Variants in CPT1A observed in about 807,000 individuals in gnomAD.
CPT1A encodes carnitine O-palmitoyltransferase 1, liver isoform.
In CPT1A, 64 loss-of-function variants were observed where a neutral mutation model predicts 100.8. That is an observed-to-expected ratio of 0.63 (90% CI 0.52 to 0.78). The LOEUF is 0.78. Among genes scored for constraint, CPT1A ranks in the 30% least tolerant of loss-of-function variants. The pLI, the probability that CPT1A is intolerant of heterozygous loss-of-function variation, is 0.00. For synonymous variants in CPT1A, 363 were observed against 396.0 expected (o/e 0.92, Z 0.99); for missense variants, 802 against 1,034.1 (o/e 0.78, Z 3.08).
intron 2 of CPT1A, 57 bp downstream of exon 2, chr11:68,815,277 C>T: frequency 6.4e-7 from 1 of 1,569,818 alleles, no homozygotes; most frequent in Non-Finnish European, 8.7e-7. Context: ...GCAGCCAGAG[C>T]CCCGTTCTTA....
rs1855111583 is a variant in CPT1A, at chr11:68,775,254, T to TAAGACTTCA, written c.1575+53_1575+61dup. The TAAGACTTCA allele has an allele frequency of 2.2e-6, 3 of 1,353,366 alleles. No homozygotes were observed. The East Asian group carries it at 6.9e-5, about 31-fold the overall frequency. 83.8% of individuals were successfully genotyped at this position (1,353,366 alleles called of 1,614,324 possible). A position where few individuals can be genotyped will look rare whatever the true frequency, so the allele number is the denominator to read the frequency against. On this transcript the variant is annotated intron_variant, in intron 13 of 18. Transcript: ENST00000265641. ...GAACTACGGTTGGAAAATTCATCTG[T>TAAGACTTCA]AAGACTTCAAATGTGTTTCCCATCC...
intron 14 of CPT1A, among the ~76,000 whole-genome samples, chr11:68,769,306 G>A (rs547686152): frequency 1.0e-3 from 159 of 152,212 alleles, no homozygotes; most frequent in South Asian, 4.2e-3. Context: ...GCACGATCAC[G>A]GCTCACTGCA....
intron 1 of CPT1A, among the ~76,000 whole-genome samples, chr11:68,816,776 G>A (rs1209462532): frequency 1.4e-5 from 2 of 147,408 alleles, no homozygotes; most frequent in Admixed American, 1.4e-4. Context: ...GTGTGTGTGT[G>A]TGTGGTGTGT....
chr11:68,761,897 C>T (rs887456423), intron 15 of CPT1A, among the ~76,000 whole-genome samples: 1 of 151,810 alleles, frequency 6.6e-6, no homozygotes, highest in Non-Finnish European at 1.5e-5. Context: ...AGGCGTGAGT[C>T]ACCGCGCCCG....
chr11:68,786,112 A>G (rs1455459844), intron 9 of CPT1A: 2 of 700,692 alleles, frequency 2.9e-6, no homozygotes, highest in Non-Finnish European at 5.2e-6. Flanking sequence ...CTGTATTCCC[A>G]GCACTTCAGG....
Position 68,773,415 on chromosome 11 carries a change from T to C in CPT1A, c.1590A>G (p.Ile530Met), listed in dbSNP as rs2153996797. Reference sequence around the variant, plus strand: ...GATTTGCGGTGTTCAGGGAGGTCTCTATAACCTCTTGACACTTGAGAGAAA... The same window carrying C: ...GATTTGCGGTGTTCAGGGAGGTCTCCATAACCTCTTGACACTTGAGAGAAA... ...WDIPGECQEV[I>M]ETSLNTANLL... Residue 530 changes from isoleucine to methionine, a missense_variant, in exon 14 of 19, where the codon ATA becomes ATG. Around this residue, in one of 4 missense-constraint regions of CPT1A, gnomAD observed 627 missense variants for 799.3 expected, o/e 0.78. Coordinates refer to ENST00000265641, the MANE Select transcript of CPT1A (RefSeq NM_001876.4). 1.2e-6 allele frequency: 2 copies of C among 1,613,952 alleles called. No individual in the cohort carries two copies. Among genetic ancestry groups the C allele is most frequent in the East Asian group, 2.2e-5 (1 of 44,878 alleles).
chr11:68,759,374 GAC>G (rs981362878), intron 18 of CPT1A, among the ~76,000 whole-genome samples, 193 bp downstream of exon 18: 1 of 151,318 alleles, frequency 6.6e-6, no homozygotes, highest in African/African-American at 2.4e-5. Flanking sequence ...CAGCCTGGGC[GAC>G]AGAGTGAGAC....
intron 13 of CPT1A, chr11:68,773,895 C>G (rs1184406799): frequency 3.9e-6 from 1 of 254,448 alleles, no homozygotes; most frequent in Non-Finnish European, 7.8e-6. Context: ...TCTAACTGGA[C>G]TATGAGCTTC....
intron 1 of CPT1A, among the ~76,000 whole-genome samples, chr11:68,832,973 C>G (rs1344581576): frequency 6.6e-6 from 1 of 152,184 alleles, no homozygotes; most frequent in Non-Finnish European, 1.5e-5. Context: ...GTGTCTCTGG[C>G]GAAGGGCAGG....
At chr11:68,776,767 T>C (rs757235639) in intron 12 of CPT1A, among the ~76,000 whole-genome samples, 1 of 152,238 alleles carries the variant, frequency 6.6e-6, no homozygotes, top group Non-Finnish European at 1.5e-5. Context: ...TAATCCCAGC[T>C]ACTCGGGAGG....
chr11:68,774,781 C>CAAAAA lies in CPT1A; in HGVS notation c.1575+530_1575+534dup, dbSNP rs1169875761. Among the ~76,000 whole-genome samples, 3 of 54,260 alleles carry CAAAAA rather than the reference C, an allele frequency of 5.5e-5. No individual in the cohort carries two copies. Among genetic ancestry groups the CAAAAA allele is most frequent in the Non-Finnish European group, 7.6e-5 (2 of 26,368 alleles). 35.6% of individuals were successfully genotyped at this position (54,260 alleles called of 152,430 possible). A position where few individuals can be genotyped will look rare whatever the true frequency, so the allele number is the denominator to read the frequency against. ...TGGGTGACAGTGCGAGACTACATCT[C>CAAAAA]AAAAAAAAAAAAAAAAAAGAAAAAG... On this transcript the variant is annotated intron_variant, in intron 13 of 18. Coordinates refer to ENST00000265641, the MANE Select transcript of CPT1A (RefSeq NM_001876.4).
chr11:68,779,160 C>G (rs1171885748), intron 12 of CPT1A, among the ~76,000 whole-genome samples: 1 of 152,156 alleles, frequency 6.6e-6, no homozygotes, highest in African/African-American at 2.4e-5. Flanking sequence ...CAGCCTGCAG[C>G]TGGGCCCTGT....
chr11:68,797,388 G>C (rs1855781942), intron 6 of CPT1A, among the ~76,000 whole-genome samples: 1 of 152,188 alleles, frequency 6.6e-6, no homozygotes, highest in Admixed American at 6.5e-5. Flanking sequence ...CCAAAACTAT[G>C]GGCTGGCCAT....
Position 68,815,491 on chromosome 11 carries a change from G to A in CPT1A, c.-13-4C>T, listed in dbSNP as rs368488106. 1 of 1,613,622 alleles carries A rather than the reference G, an allele frequency of 6.2e-7. No individual in the cohort carries two copies. Among genetic ancestry groups the A allele is most frequent in the Non-Finnish European group, 8.5e-7 (1 of 1,179,892 alleles). On this transcript the variant is annotated splice_region_variant and splice_polypyrimidine_tract_variant and intron_variant, in intron 1 of 18. Transcript: ENST00000265641. ...TTCTGCCATCTTCAGAGAGTACCTG[G>A]AAGGAGAAGGAGAAAATGTAACACA...
intron 10 of CPT1A, among the ~76,000 whole-genome samples, chr11:68,783,504 G>A (rs1277683129): frequency 2.6e-5 from 4 of 152,122 alleles, no homozygotes; most frequent in Admixed American, 6.5e-5. Flanking sequence ...GCCCACCTGC[G>A]GCCCCTCCAC....
chr11:68,784,299 G>T (rs1434679468), intron 10 of CPT1A, among the ~76,000 whole-genome samples: 2 of 152,206 alleles, frequency 1.3e-5, no homozygotes, highest in Non-Finnish European at 2.9e-5. Flanking sequence ...TATGGTTCAT[G>T]CCTGTAATCC....
intron 5 of CPT1A, among the ~76,000 whole-genome samples, chr11:68,802,896 CAAAAAAAAAAAA>C (rs901808584): frequency 1.1e-4 from 5 of 44,974 alleles, no homozygotes; most frequent in East Asian, 8.0e-4. Flanking sequence ...GACCCTGTCT[CAAAAAAAAAAAA>C]AAAAAAAAAA....
intron 7 of CPT1A, 128 bp from the exon 8 acceptor site, chr11:68,795,039 C>T: frequency 1.4e-6 from 1 of 737,072 alleles, no homozygotes; most frequent in Non-Finnish European, 2.5e-6. Context: ...TATTCGGTTA[C>T]ATCTGCAATG....
chr11:68,809,634 A>C (rs1403426225), intron 3 of CPT1A, among the ~76,000 whole-genome samples: 1 of 152,026 alleles, frequency 6.6e-6, no homozygotes, highest in Admixed American at 6.6e-5. Flanking sequence ...GCCTGACTCC[A>C]CTTTTGAAGG....
Sources: gnomAD v4.1 joint callset for allele counts (sites outside exome capture counted in the v4.1 genomes callset) on GRCh38, gnomAD v4.1.1 for gene constraint, gnomAD v4.1.1 regional missense constraint, MANE v1.5 for transcripts, NCBI Gene and HGNC (gene_info 2026-07-23, HGNC 2026-07-21) for gene names.